The following CCDC171 variants were observed in gnomAD, a reference collection of about 807,000 sequenced individuals.
CCDC171 encodes the protein coiled-coil domain containing 171, also known as coiled-coil domain-containing protein 171.
A neutral mutation model predicts 168.2 loss-of-function variants in CCDC171; 177 were observed. The ratio of observed to expected loss-of-function variants is 1.05; its 90% confidence interval spans 0.93 to 1.19. CCDC171 has a LOEUF of 1.19. Ranked by LOEUF, CCDC171 falls within the 50% of genes most tolerant of loss-of-function variation. The pLI, the probability that CCDC171 is intolerant of heterozygous loss-of-function variation, is 0.00. For missense variants in CCDC171, 1,991 were observed against 1,539.0 expected (o/e 1.29, Z -4.91); for synonymous variants, 687 against 540.8 (o/e 1.27, Z -3.75).
At chr9:15,901,236 T>G (rs1821608948) in intron 24 of CCDC171, among the ~76,000 whole-genome samples, 1 of 152,102 alleles carries the variant, frequency 6.6e-6, no homozygotes, top group Non-Finnish European at 1.5e-5. Flanking sequence ...TTTAGAGCAG[T>G]GAGTCTATTT....
chr9:15,576,676 C>A (rs971584779), intron 3 of CCDC171, among the ~76,000 whole-genome samples: 2 of 152,160 alleles, frequency 1.3e-5, no homozygotes, highest in African/African-American at 4.8e-5. Flanking sequence ...GTCAGCCATC[C>A]AAGCAAAACT....
intron 11 of CCDC171, among the ~76,000 whole-genome samples, chr9:15,718,246 C>G (rs546099727): frequency 6.6e-6 from 1 of 152,130 alleles, no homozygotes; most frequent in Admixed American, 6.5e-5. Flanking sequence ...AGAGACTCCT[C>G]TGCTATGGAA....
intron 10 of CCDC171, among the ~76,000 whole-genome samples, chr9:15,684,063 C>G (rs1233512855): frequency 6.6e-6 from 1 of 151,994 alleles, no homozygotes; most frequent in African/African-American, 2.4e-5. Context: ...ATAACAAAAG[C>G]TACTCAGACC....
At chr9:15,921,209 A>G (rs982964561) in intron 25 of CCDC171, among the ~76,000 whole-genome samples, 13 of 151,724 alleles carry the variant, frequency 8.6e-5, no homozygotes, top group Non-Finnish European at 1.8e-4. Flanking sequence ...CAAATGCTAC[A>G]TTCAACAGAA....
chr9:15,720,741 C>T (rs1243427465), intron 11 of CCDC171, among the ~76,000 whole-genome samples: 3 of 152,066 alleles, frequency 2.0e-5, no homozygotes, highest in Non-Finnish European at 4.4e-5. Flanking sequence ...GCACAATGTG[C>T]AGGTTTGTTC....
chr9:16,062,359 A>G (rs987250953), downstream of CCDC171, among the ~76,000 whole-genome samples: 5 of 152,152 alleles, frequency 3.3e-5, no homozygotes, highest in Non-Finnish European at 7.4e-5. Context: ...CTGAGCGCAC[A>G]TGGACACAAA....
chr9:15,726,620 A>G (rs1347265921), intron 14 of CCDC171, among the ~76,000 whole-genome samples: 2 of 152,138 alleles, frequency 1.3e-5, no homozygotes, highest in Non-Finnish European at 2.9e-5. Context: ...TGATTTTTAA[A>G]TTATTACATT....
Position 15,944,243 on chromosome 9 carries a change from G to A in CCDC171, c.3753+23821G>A, listed in dbSNP as rs1430839858. Among the ~76,000 whole-genome samples the A allele has an allele frequency of 2.6e-5, 4 of 151,832 alleles. No homozygotes were observed. In the East Asian group the frequency reaches 7.7e-4, roughly 29 times the overall value. On this transcript the variant is annotated intron_variant, in intron 25 of 25. Transcript: ENST00000380701. ...GTGCTGGCTTTTTGTAAACCACTGT[G>A]GCTATTGCTTTTCTTTTTGGCCAAA...
chr9:15,774,412 C>T (rs1355786679), intron 18 of CCDC171, among the ~76,000 whole-genome samples: 2 of 151,800 alleles, frequency 1.3e-5, no homozygotes, highest in Non-Finnish European at 2.9e-5. Context: ...CCATTACTGC[C>T]TCACTCCTGC....
chr9:16,045,469 T>C (rs1887672), intron 1 of CCDC171, among the ~76,000 whole-genome samples: 142,524 of 152,256 alleles, frequency 0.94, 66,762 homozygotes, highest in Admixed American at 0.96. Flanking sequence ...GTAGCACTCC[T>C]TCCTTCACGG....
chr9:15,751,219 C>A (rs546846666), intron 18 of CCDC171, among the ~76,000 whole-genome samples: 4 of 152,268 alleles, frequency 2.6e-5, no homozygotes, highest in Admixed American at 2.6e-4. Context: ...ATCCAACTTA[C>A]AAGGGATGTG....
the CCDC171 span, among the ~76,000 whole-genome samples, chr9:16,077,326 C>T: frequency 5.9e-5 from 9 of 152,224 alleles, 1 homozygote; most frequent in Admixed American, 3.9e-4. Context: ...CTCGCCTTAC[C>T]GGGGTATCAA....
intron 11 of CCDC171, among the ~76,000 whole-genome samples, chr9:15,698,866 A>T (rs757495151): frequency 6.6e-6 from 1 of 152,040 alleles, no homozygotes. Context: ...CATTTTCTTT[A>T]TCCATTTATC....
chr9:15,568,049 A>G (rs1399354267), intron 2 of CCDC171, among the ~76,000 whole-genome samples: 1 of 150,020 alleles, frequency 6.7e-6, no homozygotes, highest in African/African-American at 2.5e-5. Flanking sequence ...TTACTAGGAT[A>G]TAGAAGTATA....
chr9:15,714,787 C>G (rs982781912), intron 11 of CCDC171, among the ~76,000 whole-genome samples: 4 of 152,118 alleles, frequency 2.6e-5, no homozygotes, highest in African/African-American at 9.7e-5. Flanking sequence ...TTTTTGTTTA[C>G]TTAAGTCCTG....
chr9:15,870,000 T>A (rs2061966301), intron 23 of CCDC171, among the ~76,000 whole-genome samples: 1 of 151,766 alleles, frequency 6.6e-6, no homozygotes. Context: ...AGATAGTAAA[T>A]ATCTTAGGCT....
intron 11 of CCDC171, among the ~76,000 whole-genome samples, chr9:15,713,133 G>C (rs60651191): frequency 0.027 from 4,120 of 152,162 alleles, 184 homozygotes; most frequent in African/African-American, 0.095. Flanking sequence ...TTGTATATTT[G>C]GTCTTCTCTC....
intron 18 of CCDC171, among the ~76,000 whole-genome samples, chr9:15,764,006 C>G (rs889010812): frequency 1.3e-5 from 2 of 151,968 alleles, no homozygotes; most frequent in Non-Finnish European, 2.9e-5. Context: ...TGAGGGGAAG[C>G]GGTGGTAGTT....
At chr9:15,911,255 G>T (rs7861105) in intron 24 of CCDC171, among the ~76,000 whole-genome samples, 113,214 of 152,124 alleles carry the variant, frequency 0.74, 43,826 homozygotes, top group East Asian at 0.85. Context: ...GCGTGAGATG[G>T]TATCTCATTG....
Sources: allele counts gnomAD v4.1 joint callset (sites outside exome capture counted in the v4.1 genomes callset), GRCh38; gene constraint gnomAD v4.1.1; transcripts MANE v1.5; gene names NCBI Gene and HGNC (gene_info 2026-07-23, HGNC 2026-07-21).